The following PDE1C variants were observed in gnomAD, a reference collection of about 807,000 sequenced individuals.
The protein encoded by PDE1C is dual specificity calcium/calmodulin-dependent 3',5'-cyclic nucleotide phosphodiesterase 1C.
A neutral mutation model predicts 93.1 loss-of-function variants in PDE1C; 62 were observed. The ratio of observed to expected loss-of-function variants is 0.67; its 90% CI spans 0.54 to 0.82. The LOEUF is 0.82. Ranked by LOEUF, PDE1C falls within the 40% of genes least tolerant of loss-of-function variation. PDE1C has a pLI of 0.00. For synonymous variants in PDE1C, 325 were observed against 310.1 expected, an observed-to-expected ratio of 1.05 and a Z score of -0.50; for missense variants, 742 against 884.6, an observed-to-expected ratio of 0.84 and a Z score of 2.04.
chr7:32,314,329 A>G (rs1783124782), intron 1 of PDE1C, among the ~76,000 whole-genome samples: 2 of 152,180 alleles, frequency 1.3e-5, no homozygotes, highest in Admixed American at 6.5e-5. Context: ...GTTCATTAAG[A>G]GACAAAGGGA....
At chr7:31,951,606 G>A (rs761160057) in intron 2 of PDE1C, among the ~76,000 whole-genome samples, 1 of 152,192 alleles carries the variant, frequency 6.6e-6, no homozygotes, top group Non-Finnish European at 1.5e-5. Flanking sequence ...TAGTGGTCTG[G>A]GATTTCTCCC....
At chr7:32,227,902 C>A (rs1807412294) in intron 1 of PDE1C, among the ~76,000 whole-genome samples, 1 of 152,196 alleles carries the variant, frequency 6.6e-6, no homozygotes, top group African/African-American at 2.4e-5. Context: ...GGCCTCCTGC[C>A]AAAAGCCAAC....
At chr7:31,726,614 C>T in the PDE1C span, among the ~76,000 whole-genome samples, 7 of 152,290 alleles carry the variant, frequency 4.6e-5, no homozygotes, top group Admixed American at 4.6e-4. Context: ...AGACAAAACA[C>T]AAACATTCTC....
chr7:31,781,888 A>G (rs1562779954), intron 16 of PDE1C, among the ~76,000 whole-genome samples: 1 of 152,108 alleles, frequency 6.6e-6, no homozygotes, highest in South Asian at 2.1e-4. Flanking sequence ...CAGAGATACA[A>G]CACCACAAGC....
intron 1 of PDE1C, among the ~76,000 whole-genome samples, chr7:32,400,757 T>C (rs1205654861): frequency 6.6e-6 from 1 of 152,232 alleles, no homozygotes; most frequent in Non-Finnish European, 1.5e-5. Context: ...AATGAAGCCA[T>C]GAATGGCAAA....
the PDE1C span, among the ~76,000 whole-genome samples, chr7:31,722,394 T>C: frequency 3.5e-3 from 537 of 152,344 alleles, 3 homozygotes; most frequent in East Asian, 0.017. Context: ...TATTGAACAC[T>C]GGGCTAGACA....
the PDE1C span, among the ~76,000 whole-genome samples, chr7:31,628,271 A>G: frequency 1.3e-5 from 2 of 152,086 alleles, no homozygotes; most frequent in African/African-American, 4.8e-5. Flanking sequence ...GAAAGCCTGG[A>G]GCACAGGCAG....
At chr7:32,218,523 G>A (rs1050687107) in intron 1 of PDE1C, among the ~76,000 whole-genome samples, 3 of 152,186 alleles carry the variant, frequency 2.0e-5, no homozygotes, top group Non-Finnish European at 2.9e-5. Flanking sequence ...AATCCAAGAG[G>A]CCTTTACCAA....
chr7:32,403,036 A>G (rs1197253133), intron 1 of PDE1C, among the ~76,000 whole-genome samples: 1 of 152,096 alleles, frequency 6.6e-6, no homozygotes, highest in South Asian at 2.1e-4. Flanking sequence ...CGCCCACCCG[A>G]AATAGAGGTG....
At chr7:32,397,476 G>T (rs2128094514) in intron 1 of PDE1C, among the ~76,000 whole-genome samples, 3 of 152,286 alleles carry the variant, frequency 2.0e-5, no homozygotes, top group East Asian at 3.9e-4. Flanking sequence ...TAGTGGGAAT[G>T]CAAACTGGTT....
intron 2 of PDE1C, among the ~76,000 whole-genome samples, chr7:32,180,265 C>A (rs1371827747): frequency 6.6e-6 from 1 of 152,154 alleles, no homozygotes; most frequent in African/African-American, 2.4e-5. Flanking sequence ...GAAAATTTAA[C>A]TCCTTATCAT....
At chr7:31,837,533 C>T (rs1490535178) in intron 10 of PDE1C, among the ~76,000 whole-genome samples, 1 of 152,200 alleles carries the variant, frequency 6.6e-6, no homozygotes, top group Non-Finnish European at 1.5e-5. Flanking sequence ...GGAATGACTG[C>T]ATCCTTCAAA....
At chr7:32,250,954 T>C (rs548240507) in intron 1 of PDE1C, among the ~76,000 whole-genome samples, 5 of 152,348 alleles carry the variant, frequency 3.3e-5, no homozygotes, top group Middle Eastern at 3.4e-3. Flanking sequence ...CATGATCTAA[T>C]GCCAGATGGC....
intron 3 of PDE1C, among the ~76,000 whole-genome samples, chr7:32,106,299 C>G (rs11768234): frequency 0.32 from 49,379 of 152,044 alleles, 8,751 homozygotes; most frequent in Non-Finnish European, 0.4. Flanking sequence ...CTGCCTCAGC[C>G]TCCTAAAGTA....
At chr7:31,941,952 T>C (rs1805911845) in intron 2 of PDE1C, among the ~76,000 whole-genome samples, 2 of 152,166 alleles carry the variant, frequency 1.3e-5, no homozygotes, top group African/African-American at 4.8e-5. Flanking sequence ...ATAAATACTG[T>C]AGGGATATTT....
At chr7:31,855,115 C>T (rs1466349255) in intron 7 of PDE1C, among the ~76,000 whole-genome samples, 1 of 149,684 alleles carries the variant, frequency 6.7e-6, no homozygotes, top group Non-Finnish European at 1.5e-5. Flanking sequence ...GCACGCAGTT[C>T]TGCCAGTCAG....
chr7:31,633,575 C>T, the PDE1C span, among the ~76,000 whole-genome samples: 2 of 152,342 alleles, frequency 1.3e-5, no homozygotes, highest in African/African-American at 4.8e-5. Flanking sequence ...GAACAATTCA[C>T]ACTACCGCCC....
At chr7:31,853,752 C>T (rs570740587) in intron 7 of PDE1C, among the ~76,000 whole-genome samples, 15 of 151,942 alleles carry the variant, frequency 9.9e-5, no homozygotes, top group African/African-American at 3.1e-4. Context: ...CTCTGTTGTC[C>T]GGGCTGGAGT....
At chr7:31,951,983 G>T (rs185374739) in intron 2 of PDE1C, among the ~76,000 whole-genome samples, 9 of 152,230 alleles carry the variant, frequency 5.9e-5, no homozygotes, top group Admixed American at 4.6e-4. Context: ...ACAAATTTGT[G>T]AGTGCTTACT....
Sources: allele counts gnomAD v4.1 joint callset (sites outside exome capture counted in the v4.1 genomes callset), GRCh38; gene constraint gnomAD v4.1.1; transcripts MANE v1.5; gene names NCBI Gene and HGNC (gene_info 2026-07-23, HGNC 2026-07-21).